Variants in RORA observed in about 807,000 individuals in gnomAD.
The protein encoded by RORA is RAR related orphan receptor A.
A neutral mutation model predicts 69.5 loss-of-function variants in RORA; 7 were observed. The observed-to-expected ratio is 0.10, with a 90% CI of 0.06 to 0.19. The LOEUF (loss-of-function observed/expected upper bound fraction) is 0.19. RORA is among the 10% of genes least tolerant of loss of function. The pLI, the probability that RORA is intolerant of heterozygous loss-of-function variation, is 1.00. For synonymous variants in RORA, 261 were observed against 240.8 expected, an observed-to-expected ratio of 1.08 and a Z score of -0.78; for missense variants, 457 against 663.0, an observed-to-expected ratio of 0.69 and a Z score of 3.41.
chr15:61,097,679 G>A (rs969320571), intron 1 of RORA, among the ~76,000 whole-genome samples: 7 of 152,118 alleles, frequency 4.6e-5, no homozygotes, highest in African/African-American at 1.7e-4. Flanking sequence ...TTTCTTCTTG[G>A]ATAATTTCTC....
chr15:60,676,870 T>C (rs2553235), intron 2 of RORA, among the ~76,000 whole-genome samples: 29,831 of 152,182 alleles, frequency 0.2, 3,303 homozygotes, highest in African/African-American at 0.3. Flanking sequence ...TCCTCGAATG[T>C]CTCTCTTTAT....
chr15:60,610,122 G>A (rs2069051017), intron 2 of RORA, among the ~76,000 whole-genome samples: 1 of 151,486 alleles, frequency 6.6e-6, no homozygotes, highest in Admixed American at 6.6e-5. Context: ...GCAACCTAAT[G>A]GAATGTGAGC....
intron 1 of RORA, among the ~76,000 whole-genome samples, chr15:60,906,845 G>A (rs187339797): frequency 6.6e-6 from 1 of 152,254 alleles, no homozygotes; most frequent in Non-Finnish European, 1.5e-5. Flanking sequence ...ATTGGCAATT[G>A]TAGTAATACC....
At chr15:60,986,276 G>A (rs1051192150) in intron 1 of RORA, among the ~76,000 whole-genome samples, 2 of 152,142 alleles carry the variant, frequency 1.3e-5, no homozygotes, top group East Asian at 3.9e-4. Flanking sequence ...TGGGACTACA[G>A]GTGCACACCA....
intron 1 of RORA, among the ~76,000 whole-genome samples, chr15:60,694,798 C>T (rs1336040292): frequency 6.6e-6 from 1 of 152,182 alleles, no homozygotes; most frequent in African/African-American, 2.4e-5. Context: ...CCATATGCAG[C>T]GAGGTCACTT....
At chr15:61,153,406 C>T (rs2079414788) in intron 1 of RORA, among the ~76,000 whole-genome samples, 1 of 152,110 alleles carries the variant, frequency 6.6e-6, no homozygotes, top group Admixed American at 6.5e-5. Flanking sequence ...TAAGAAAGGA[C>T]ATGGGAGTGT....
At chr15:60,566,032 G>A (rs1325226013) in intron 2 of RORA, among the ~76,000 whole-genome samples, 3 of 152,166 alleles carry the variant, frequency 2.0e-5, no homozygotes, top group African/African-American at 4.8e-5. Context: ...ACACTCATAT[G>A]TGCACTCTAA....
intron 1 of RORA, among the ~76,000 whole-genome samples, chr15:60,910,965 G>A (rs1245103667): frequency 2.0e-5 from 3 of 146,816 alleles, no homozygotes; most frequent in South Asian, 2.2e-4. Context: ...GTGCAATGGC[G>A]CGATCCTGGC....
intron 1 of RORA, among the ~76,000 whole-genome samples, chr15:60,983,287 C>T (rs889478532): frequency 6.6e-6 from 1 of 152,206 alleles, no homozygotes; most frequent in African/African-American, 2.4e-5. Flanking sequence ...CTCTTTGTAG[C>T]AATAAGATAC....
At chr15:60,940,798 G>A (rs536723294) in intron 1 of RORA, among the ~76,000 whole-genome samples, 10 of 152,242 alleles carry the variant, frequency 6.6e-5, no homozygotes, top group South Asian at 2.1e-4. Flanking sequence ...ATGGTGGCGC[G>A]TGCCTGTAGT....
intron 3 of RORA, among the ~76,000 whole-genome samples, chr15:60,516,159 A>T (rs1201125742): frequency 6.7e-5 from 2 of 29,732 alleles, no homozygotes; most frequent in South Asian, 9.6e-4. Flanking sequence ...ATATATATAT[A>T]TTTATATATA....
chr15:60,592,497 G>C, intron 2 of RORA: 1 of 1,326,364 alleles, frequency 7.5e-7, no homozygotes. Context: ...CGCCGCCGCC[G>C]CCCGAGCCAC....
chr15:60,867,616 G>A (rs1391924955), intron 1 of RORA, among the ~76,000 whole-genome samples: 1 of 152,002 alleles, frequency 6.6e-6, no homozygotes, highest in Non-Finnish European at 1.5e-5. Flanking sequence ...TCTGCTCTTG[G>A]GTTCTAACAA....
intron 5 of RORA, 37 bp from the exon 6 acceptor site, chr15:60,505,666 G>A (rs200814125): frequency 7.5e-6 from 12 of 1,605,618 alleles, no homozygotes; most frequent in South Asian, 1.1e-5. Context: ...CACGAAAAGC[G>A]AAGTTCTTTG....
chr15:60,514,179 A>G (rs1431826702), intron 4 of RORA, among the ~76,000 whole-genome samples: 1 of 152,238 alleles, frequency 6.6e-6, no homozygotes, highest in Non-Finnish European at 1.5e-5. Flanking sequence ...TCCAGTTAGC[A>G]TAAAAGCGGC....
At chr15:61,064,246 C>A (rs543330283) in intron 1 of RORA, among the ~76,000 whole-genome samples, 1 of 152,322 alleles carries the variant, frequency 6.6e-6, no homozygotes, top group African/African-American at 2.4e-5. Flanking sequence ...CACATCACAT[C>A]ATCAAGAACA....
chr15:60,984,064 A>G (rs11633383), intron 1 of RORA, among the ~76,000 whole-genome samples: 30,128 of 149,090 alleles, frequency 0.2, 3,502 homozygotes, highest in Non-Finnish European at 0.26. Context: ...TATACTGGGG[A>G]TAATACCAAA....
At chr15:60,870,761 C>T (rs1041636712) in intron 1 of RORA, among the ~76,000 whole-genome samples, 1 of 152,176 alleles carries the variant, frequency 6.6e-6, no homozygotes, top group African/African-American at 2.4e-5. Flanking sequence ...TTATGCTAGG[C>T]CAATCCTTAC....
intron 2 of RORA, among the ~76,000 whole-genome samples, chr15:60,588,448 T>C (rs1045441893): frequency 1.3e-5 from 2 of 150,534 alleles, no homozygotes; most frequent in Non-Finnish European, 3.0e-5. Flanking sequence ...GCAAATCTAT[T>C]CATCCATCCA....
Sources: allele counts gnomAD v4.1 joint callset (sites outside exome capture counted in the v4.1 genomes callset), GRCh38; gene constraint gnomAD v4.1.1; transcripts MANE v1.5; gene names NCBI Gene and HGNC (gene_info 2026-07-23, HGNC 2026-07-21).